Variants in TMEM259 observed in about 807,000 individuals in gnomAD.
The protein encoded by TMEM259 is transmembrane protein 259.
TMEM259 carries 26 observed loss-of-function variants against 46.7 expected under a neutral mutation model. That is an observed-to-expected ratio of 0.56 (90% CI 0.41 to 0.77). The LOEUF (loss-of-function observed/expected upper bound fraction) is 0.77, where lower values mean the gene tolerates loss of function less well. Ranked by LOEUF, TMEM259 falls within the 30% of genes least tolerant of loss-of-function variation. The pLI is 0.00. For missense variants in TMEM259, 930 were observed against 900.5 expected (o/e 1.03, Z -0.42); for synonymous variants, 494 against 395.1 (o/e 1.25, Z -2.97).
At position 1,014,423 on chromosome 19, in the gene TMEM259, G is replaced by A. The variant is rs1228996859; in HGVS notation, c.276C>T (p.Arg92=). The A allele has an allele frequency of 1.9e-6, 3 of 1,612,330 alleles. No homozygotes were observed. The highest frequency in any genetic ancestry group is 3.3e-5 in the Admixed American group (2 of 60,026). The change falls in exon 2 of 11, where the codon CGC becomes CGT. Residue 92 remains arginine, a synonymous_variant. Transcript: ENST00000356663. ...CATGCTCCAGGCAGTTGATGGGCGA[G>A]CGGGAGAAGACGATGTGGATGTAGG... ...VLAYIHIVFS[R]SPINCLEHVR...
chr19:1,018,797 C>G (rs1333513549), intron 1 of TMEM259, among the ~76,000 whole-genome samples: 3 of 152,110 alleles, frequency 2.0e-5, no homozygotes, highest in African/African-American at 7.2e-5. Flanking sequence ...ACCAGCCTAG[C>G]CAACATGGCA....
At position 1,020,732 on chromosome 19, in the gene TMEM259, G is replaced by C. The variant is rs1475541357; in HGVS notation, c.225+40C>G. ...GGTAGCAGACTTGGGGGTCGGGACA[G>C]CCGCTGGGGTCAAGGGTCGGGGGTC... On this transcript the variant is annotated intron_variant, in intron 1 of 10. Coordinates refer to ENST00000356663, the MANE Select transcript of TMEM259 (RefSeq NM_001033026.2). The surrounding 1 kb of genome is among the most constrained non-coding windows in gnomAD (Gnocchi z 4.0). 2.4e-6 allele frequency: 3 copies of C among 1,272,268 alleles called. No homozygotes were observed. In the African/African-American group the frequency reaches 4.6e-5, roughly 20 times the overall value. 78.8% of individuals were successfully genotyped at this position (1,272,268 alleles called of 1,614,324 possible). A position where few individuals can be genotyped will look rare whatever the true frequency, so the allele number is the denominator to read the frequency against.
intron 4 of TMEM259, 22 bp downstream of exon 4, chr19:1,012,441 A>T: frequency 6.4e-7 from 1 of 1,570,600 alleles, no homozygotes; most frequent in African/African-American, 1.4e-5. Context: ...GGAGCTCCCC[A>T]AGCCCAGCAG....
chr19:1,016,411 G>A lies in TMEM259; in HGVS notation c.226-1938C>T, dbSNP rs117388924. ...AGAGACACTGACCCCACAGCCCCTC[G>A]GCTCAGCACTCTCAGGAGAGAGGGG... On this transcript the variant is annotated intron_variant, in intron 1 of 10. Transcript: ENST00000356663. 6.6e-4 allele frequency among the ~76,000 whole-genome samples: 100 copies of A among 152,324 alleles called. 1 individual carries two copies. In the East Asian group the frequency reaches 0.015, roughly 23 times the overall value.
At chr19:1,016,591 C>T (rs117731295) in intron 1 of TMEM259, among the ~76,000 whole-genome samples, 1,769 of 152,346 alleles carry the variant, frequency 0.012, 11 homozygotes, top group South Asian at 0.024. Flanking sequence ...GGCTGTCCAA[C>T]GCTTCACAAG....
rs1024301983 is a variant in TMEM259, at chr19:1,010,248, G to A, written c.*102C>T. The A allele has an allele frequency of 1.8e-6, 2 of 1,123,468 alleles. No homozygotes were observed. The highest frequency in any genetic ancestry group is 2.4e-6 in the Non-Finnish European group (2 of 837,962). The allele number at this position is 1,123,468 out of a possible 1,614,324, so 69.6% of individuals were successfully genotyped here. A position where few individuals can be genotyped will look rare whatever the true frequency, so the allele number is the denominator to read the frequency against. On this transcript the variant is annotated 3_prime_UTR_variant, in exon 11 of 11. Coordinates refer to ENST00000356663, the MANE Select transcript of TMEM259 (RefSeq NM_001033026.2). ...ACCCTGAAAGCCCCCGACACAGGCTGGGCAGTCCCAGAGGAAGGAGGTGGC... is the reference window on the plus strand; with the variant it reads ...ACCCTGAAAGCCCCCGACACAGGCTAGGCAGTCCCAGAGGAAGGAGGTGGC...
Position 1,020,408 on chromosome 19 carries a change from A to G in TMEM259, c.225+364T>C, listed in dbSNP as rs1037445652. Among the ~76,000 whole-genome samples the G allele has an allele frequency of 4.7e-4, 72 of 152,018 alleles. No homozygotes were observed. Among genetic ancestry groups the G allele is most frequent in the Admixed American group, 1.6e-3 (25 of 15,262 alleles). ...GGGAGGTGCTACCTCGCAGGCCAGG[A>G]CCGGACTCCAAGCCTGGGTAGGTGG... is the stretch of plus-strand genomic sequence containing the variant. On this transcript the variant is annotated intron_variant, in intron 1 of 10. Transcript: ENST00000356663. This position sits in a 1 kb window ranked among gnomAD's most constrained non-coding sequence, Gnocchi z 4.0.
chr19:1,017,789 C>T (rs1180139253), intron 1 of TMEM259, among the ~76,000 whole-genome samples: 2 of 152,128 alleles, frequency 1.3e-5, no homozygotes, highest in African/African-American at 4.8e-5. Context: ...CACACAAGCC[C>T]GCGGAGCCAC....
rs778370526 is a variant in TMEM259, at chr19:1,010,532, GGGAGGCGCTCAGGCCGGACAGGAA to G, written c.1657_1680del (p.Phe553_Ser560del). ...GGGCTGGCTGGACGCCGCTCCAGGAGGGAGGCGCTCAGGCCGGACAGGAAGGAGGCGTCTGTGATGATGGCAGCG... is the reference window on the plus strand; with the variant it reads ...GGGCTGGCTGGACGCCGCTCCAGGAGGGAGGCGTCTGTGATGATGGCAGCG... On this transcript the variant is annotated inframe_deletion, in exon 11 of 11. Coordinates refer to ENST00000356663, the MANE Select transcript of TMEM259 (RefSeq NM_001033026.2). The G allele has an allele frequency of 5.2e-6, 8 of 1,548,014 alleles. No homozygotes were observed. In the South Asian group the frequency reaches 5.9e-5, roughly 12 times the overall value.
rs368816689 is a variant in TMEM259, at chr19:1,011,105, G to A, written c.1308C>T (p.Leu436=). 4 of 1,592,852 alleles carry A rather than the reference G, an allele frequency of 2.5e-6. No homozygotes were observed. The African/African-American group carries it at 5.4e-5, about 21-fold the overall frequency. Residue 436 remains leucine (L), a synonymous_variant, in exon 10 of 11, where the codon CTC becomes CTT. Transcript: ENST00000356663. ...YSSLALVTSW[L]FIQHSMIYFF... ...GCCGCCCAGGCCTCACCTGGATGAA[G>A]AGCCAGGAGGTGACCAGGGCCAGGC...
In TMEM259 at chr19:1,021,095, C is replaced by T. The variant is rs1038084221; in HGVS notation, c.-99G>A. On this transcript the variant is annotated 5_prime_UTR_variant, in exon 1 of 11. Coordinates refer to ENST00000356663, the MANE Select transcript of TMEM259 (RefSeq NM_001033026.2). ...AGCCGCCGCTCTCCTCACGGCCTCCCGGCCGCCGCCGCCATCTTCCGCTTT... is the reference window on the plus strand; with the variant it reads ...AGCCGCCGCTCTCCTCACGGCCTCCTGGCCGCCGCCGCCATCTTCCGCTTT... 40 of 1,178,000 alleles carry T rather than the reference C, an allele frequency of 3.4e-5. No individual in the cohort carries two copies. The highest frequency in any genetic ancestry group is 4.6e-5 in the Admixed American group (1 of 21,702). The allele number at this position is 1,178,000 out of a possible 1,614,324, so 73.0% of individuals were successfully genotyped here.
chr19:1,013,883 G>T (rs2039020472), intron 2 of TMEM259, among the ~76,000 whole-genome samples: 1 of 152,118 alleles, frequency 6.6e-6, no homozygotes, highest in Non-Finnish European at 1.5e-5. Flanking sequence ...GCTGCCCACT[G>T]CATCCCCAGC....
intron 1 of TMEM259, among the ~76,000 whole-genome samples, chr19:1,017,086 C>T (rs981606501): frequency 1.3e-5 from 2 of 152,154 alleles, no homozygotes; most frequent in African/African-American, 4.8e-5. Context: ...AGCTCCCCTT[C>T]AGTCTCCCAC....
Position 1,012,478 on chromosome 19 carries a change from T to C in TMEM259, c.703A>G (p.Met235Val). Residue 235 changes from methionine to valine, a missense_variant, in exon 4 of 11, where the codon ATG becomes GTG. Physicochemically the swap from Met to Val is conservative, Grantham distance 21. Coordinates refer to ENST00000356663, the MANE Select transcript of TMEM259 (RefSeq NM_001033026.2). ...TCAGACTCACCCAGGGTGACCACCA[T>C]GACGGGGATGCTCAGGCGCTGGCGG... ...ATRQRLSIPV[M>V]VVTLDPTRDQ... 1.2e-6 allele frequency: 2 copies of C among 1,604,378 alleles called. No individual in the cohort carries two copies. The highest frequency in any genetic ancestry group is 1.7e-6 in the Non-Finnish European group (2 of 1,176,902).
At position 1,010,426 on chromosome 19, in the gene TMEM259, G is replaced by T. The variant is rs770768939; in HGVS notation, c.1787C>A (p.Pro596His). ...PSDSAASDTT[P>H]LGAAVGGPSP... ...AGGCCCGCCTACCGCAGCCCCCAGG[G>T]GAGTTGTGTCAGAAGCTGCGGAGTC... The change falls in exon 11 of 11, where the codon CCC becomes CAC. Residue 596 changes from proline to histidine, a missense_variant. Coordinates refer to ENST00000356663, the MANE Select transcript of TMEM259 (RefSeq NM_001033026.2). The T allele has an allele frequency of 6.5e-7, 1 of 1,533,334 alleles. No homozygotes were observed. Among genetic ancestry groups the T allele is most frequent in the East Asian group, 2.4e-5 (1 of 41,364 alleles). 95.0% of individuals were successfully genotyped at this position (1,533,334 alleles called of 1,614,324 possible). A position where few individuals can be genotyped will look rare whatever the true frequency, so the allele number is the denominator to read the frequency against.
At chr19:1,014,016 C>T (rs2039024826) in intron 2 of TMEM259, among the ~76,000 whole-genome samples, 176 bp downstream of exon 2, 1 of 152,190 alleles carries the variant, frequency 6.6e-6, no homozygotes, top group South Asian at 2.1e-4. Flanking sequence ...GAGGGTCTTG[C>T]TTCAGAGCCC....
intron 9 of TMEM259, 66 bp downstream of exon 9, chr19:1,011,301 C>T: frequency 6.5e-7 from 1 of 1,540,650 alleles, no homozygotes; most frequent in South Asian, 1.2e-5. Context: ...CAGCGCCCCT[C>T]CCTCTGGCAG....
chr19:1,010,444 G>A lies in TMEM259; in HGVS notation c.1769C>T (p.Ala590Val), dbSNP rs1342271452. Residue 590 changes from alanine to valine, a missense_variant, in exon 11 of 11, where the codon GCA becomes GTA. Transcript: ENST00000356663. ...PQDSVPPSDS[A>V]ASDTTPLGAA... ...CCCCAGGGGAGTTGTGTCAGAAGCTGCGGAGTCACTCGGGGGGACACTGTC... is the reference window on the plus strand; with the variant it reads ...CCCCAGGGGAGTTGTGTCAGAAGCTACGGAGTCACTCGGGGGGACACTGTC... The A allele has an allele frequency of 3.3e-6, 5 of 1,535,022 alleles. No individual in the cohort carries two copies. The highest frequency in any genetic ancestry group is 4.4e-6 in the Non-Finnish European group (5 of 1,141,510).
rs778028789 is a variant in TMEM259 at position 1,010,348 on chromosome 19, G to C, written c.*2C>G. 1 of 1,484,524 alleles carries C rather than the reference G, an allele frequency of 6.7e-7. No homozygotes were observed. Among genetic ancestry groups the C allele is most frequent in the Non-Finnish European group, 8.9e-7 (1 of 1,126,300 alleles). 92.0% of individuals were successfully genotyped at this position (1,484,524 alleles called of 1,614,324 possible). A position where few individuals can be genotyped will look rare whatever the true frequency, so the allele number is the denominator to read the frequency against. On this transcript the variant is annotated 3_prime_UTR_variant, in exon 11 of 11. Coordinates refer to ENST00000356663, the MANE Select transcript of TMEM259 (RefSeq NM_001033026.2). Reference sequence around the variant, plus strand: ...GGGTCAGAGGCGGCTCAGCTGTGCGGCTCAGGACCCCACCTCCGAGGGCGC... The same window carrying C: ...GGGTCAGAGGCGGCTCAGCTGTGCGCCTCAGGACCCCACCTCCGAGGGCGC...
Sources: allele counts gnomAD v4.1 joint callset (sites outside exome capture counted in the v4.1 genomes callset), GRCh38; gene constraint gnomAD v4.1.1; non-coding constraint Gnocchi (gnomAD v3.1); transcripts MANE v1.5; gene names NCBI Gene and HGNC (gene_info 2026-07-23, HGNC 2026-07-21).